AGAP3: variants seen among roughly 807,000 people sequenced by gnomAD.
AGAP3 encodes the protein ArfGAP with GTPase domain, ankyrin repeat and PH domain 3.
AGAP3 carries 24 observed loss-of-function variants against 96.9 expected under a neutral mutation model. The observed-to-expected ratio is 0.25, with a 90% CI of 0.18 to 0.35. The LOEUF (loss-of-function observed/expected upper bound fraction) is 0.35, where lower values mean the gene tolerates loss of function less well. Ranked by LOEUF, AGAP3 falls within the 10% of genes least tolerant of loss-of-function variation. The pLI is 1.00. For missense variants in AGAP3, 876 were observed against 1,254.2 expected (o/e 0.70, Z 4.55); for synonymous variants, 563 against 536.1 (o/e 1.05, Z -0.69).
rs1372688550 is a variant in AGAP3 at position 151,133,748 on chromosome 7, C to T, written c.1327-652C>T. Among the ~76,000 whole-genome samples the T allele has an allele frequency of 6.6e-6, 1 of 152,186 alleles. No individual in the cohort carries two copies. The highest frequency in any genetic ancestry group is 2.4e-5 in the African/African-American group (1 of 41,438). On this transcript the variant is annotated intron_variant, in intron 10 of 17. Transcript: ENST00000397238. This position sits in a 1 kb window ranked among gnomAD's most constrained non-coding sequence, Gnocchi z 5.4. ...AGGCTATACGTGGAATGTATAAATACACTGCTGTAGGATGGTAAATACCCT... is the reference window on the plus strand; with the variant it reads ...AGGCTATACGTGGAATGTATAAATATACTGCTGTAGGATGGTAAATACCCT...
At position 151,125,142 on chromosome 7, in the gene AGAP3, C is replaced by T. The variant is rs557842224; in HGVS notation, c.1221+1256C>T. Among the ~76,000 whole-genome samples, 248 of 152,346 alleles carry T rather than the reference C, an allele frequency of 1.6e-3. 2 individuals carry two copies. Among genetic ancestry groups the T allele is most frequent in the African/African-American group, 5.5e-3 (227 of 41,578 alleles). The stretch of plus-strand genomic sequence containing the variant: ...TTGTGGGGGACCCTGCTAGGTGACG[C>T]CCTCTGCTTTGGGCGTAGGCTCCTC... On this transcript the variant is annotated intron_variant, in intron 9 of 17. Transcript: ENST00000397238.
chr7:151,137,502 G>C (rs2150528227), intron 11 of AGAP3, among the ~76,000 whole-genome samples: 1 of 152,300 alleles, frequency 6.6e-6, no homozygotes, highest in African/African-American at 2.4e-5. Flanking sequence ...TCCAGCAGGG[G>C]CTCAGCCAGG....
chr7:151,106,256 A>G (rs1297865719), intron 1 of AGAP3, among the ~76,000 whole-genome samples: 1 of 151,812 alleles, frequency 6.6e-6, no homozygotes, highest in African/African-American at 2.4e-5. Context: ...CTCAAAACAC[A>G]GCAGATCTGG....
chr7:151,129,247 A>G (rs944817903), intron 10 of AGAP3, among the ~76,000 whole-genome samples: 1 of 150,984 alleles, frequency 6.6e-6, no homozygotes, highest in Non-Finnish European at 1.5e-5. Context: ...GCTCCAGCAC[A>G]CAGCTGTCAC....
At chr7:151,120,255 T>A in intron 8 of AGAP3, 110 bp downstream of exon 8, 1 of 1,164,644 alleles carries the variant, frequency 8.6e-7, no homozygotes, top group Non-Finnish European at 1.2e-6. Flanking sequence ...AGGAAGACGG[T>A]ACCTGCAGTC....
Position 151,142,205 on chromosome 7 carries a change from G to A in AGAP3, c.2002G>A (p.Val668Ile), listed in dbSNP as rs199958692. 398 of 1,613,594 alleles carry A rather than the reference G, an allele frequency of 2.5e-4. No individual in the cohort carries two copies. Among genetic ancestry groups the A allele is most frequent in the Non-Finnish European group, 3.2e-4 (381 of 1,180,006 alleles). Residue 668 changes from valine (V) to isoleucine (I), a missense_variant, in exon 15 of 18, where the codon GTC becomes ATC. Val to Ile is a conservative substitution (Grantham distance 29, BLOSUM62 3). This residue lies in a region of AGAP3 where 103 missense variants were observed against 183.0 expected (regional missense o/e 0.56). Transcript: ENST00000397238. This position sits in a 1 kb window ranked among gnomAD's most constrained non-coding sequence, Gnocchi z 7.5. ...NQNAALAVQA[V>I]RTVRGNSFCI... ...GAACGCAGCTCTGGCTGTGCAGGCC[G>A]TCCGCACCGTCCGCGGCAACAGCTT...
intron 1 of AGAP3, among the ~76,000 whole-genome samples, chr7:151,087,412 G>C (rs549626189): frequency 6.6e-6 from 1 of 152,330 alleles, no homozygotes; most frequent in Non-Finnish European, 1.5e-5. Flanking sequence ...GTCGTGACCG[G>C]GGAGGCTTCT....
Position 151,143,306 on chromosome 7 carries a change from C to T in AGAP3, c.2274-35C>T, listed in dbSNP as rs765481291. 1.0e-5 allele frequency: 16 copies of T among 1,579,480 alleles called. No individual in the cohort carries two copies. In the Admixed American group the frequency reaches 2.8e-4, roughly 28 times the overall value. Reference sequence around the variant, plus strand: ...GCCCCACCCGTTGCTCGGTGACCTTCCTTGGCTCATGCCCTGATGGGCCTG... The same window carrying T: ...GCCCCACCCGTTGCTCGGTGACCTTTCTTGGCTCATGCCCTGATGGGCCTG... On this transcript the variant is annotated intron_variant, in intron 16 of 17. Coordinates refer to ENST00000397238, the MANE Select transcript of AGAP3 (RefSeq NM_031946.7). The surrounding 1 kb of genome is among the most constrained non-coding windows in gnomAD (Gnocchi z 5.9).
chr7:151,142,177 C>T lies in AGAP3; in HGVS notation c.1974C>T (p.Asn658=), dbSNP rs372049053. ...CTGTGCGACAGACTCGACTGGGGAA[C>T]CAGAACGCAGCTCTGGCTGTGCAGG... ...RSAKDKTRLG[N]QNAALAVQAV... The change falls in exon 15 of 18, where the codon AAC becomes AAT. Residue 658 remains asparagine, a synonymous_variant. Coordinates refer to ENST00000397238, the MANE Select transcript of AGAP3 (RefSeq NM_031946.7). The surrounding 1 kb of genome is among the most constrained non-coding windows in gnomAD (Gnocchi z 7.5). 109 of 1,613,752 alleles carry T rather than the reference C, an allele frequency of 6.8e-5. No individual in the cohort carries two copies. Among genetic ancestry groups the T allele is most frequent in the Non-Finnish European group, 8.5e-5 (100 of 1,179,982 alleles).
Position 151,143,561 on chromosome 7 carries a change from A to G in AGAP3, c.2494A>G (p.Met832Val). The change falls in exon 17 of 18, where the codon ATG becomes GTG. Residue 832 changes from methionine (M) to valine (V), a missense_variant. Coordinates refer to ENST00000397238, the MANE Select transcript of AGAP3 (RefSeq NM_031946.7). The surrounding 1 kb of genome is among the most constrained non-coding windows in gnomAD (Gnocchi z 5.9). ...GACGGCTCTACATCTCTCCAGTGCC[A>G]TGGCCAACGTTGTCTTCACGCAGCT... is the stretch of plus-strand genomic sequence containing the variant. ...GRTALHLSSA[M>V]ANVVFTQLLI... 3.7e-6 allele frequency: 6 copies of G among 1,610,558 alleles called. No individual in the cohort carries two copies. Among genetic ancestry groups the G allele is most frequent in the Non-Finnish European group, 5.1e-6 (6 of 1,177,542 alleles).
At chr7:151,113,415 C>G (rs750476625) in intron 1 of AGAP3, among the ~76,000 whole-genome samples, 1 of 152,190 alleles carries the variant, frequency 6.6e-6, no homozygotes, top group African/African-American at 2.4e-5. Context: ...GAATTTCCAG[C>G]GCTCTTTTCT....
At chr7:151,134,251 G>GATTATT in intron 10 of AGAP3, 149 bp from the exon 11 acceptor site, 1 of 690,250 alleles carries the variant, frequency 1.4e-6, no homozygotes, top group Non-Finnish European at 2.2e-6. Context: ...TCCAGACTCG[G>GATTATT]AGACATTCTG....
At chr7:151,134,707 G>A in intron 11 of AGAP3, 139 bp downstream of exon 11, 4 of 907,012 alleles carry the variant, frequency 4.4e-6, no homozygotes, top group Admixed American at 2.6e-5. Flanking sequence ...CTCAGCCAAA[G>A]ACATGTGCCC....
intron 8 of AGAP3, 26 bp from the exon 9 acceptor site, chr7:151,123,768 A>G: frequency 3.1e-6 from 5 of 1,612,494 alleles, no homozygotes; most frequent in Non-Finnish European, 3.4e-6. Context: ...GGGCCTCTTT[A>G]ACACGCCTCT....
At chr7:151,094,168 G>A (rs931072584) in intron 1 of AGAP3, among the ~76,000 whole-genome samples, 7 of 152,146 alleles carry the variant, frequency 4.6e-5, no homozygotes, top group African/African-American at 1.2e-4. Flanking sequence ...CCCCCAACGC[G>A]GTGTGCTTAG....
intron 8 of AGAP3, chr7:151,120,619 C>T: frequency 1.5e-6 from 2 of 1,294,152 alleles, no homozygotes; most frequent in Non-Finnish European, 2.0e-6. Context: ...CGCCTTCCGG[C>T]TCTTTTTCCG....
Position 151,139,493 on chromosome 7 carries a change from A to C in AGAP3, c.1667-486A>C. 6.6e-6 allele frequency: 1 copy of C among 152,626 alleles called. No individual in the cohort carries two copies. The highest frequency in any genetic ancestry group is 1.5e-5 in the Non-Finnish European group (1 of 68,266). 9.5% of individuals were successfully genotyped at this position (152,626 alleles called of 1,614,324 possible). ...GAAGGGAGGGAGCGTGTCTGCCTCT[A>C]ATGAAGTTTGACATTTAGTGGTGAG... On this transcript the variant is annotated intron_variant, in intron 12 of 17. Transcript: ENST00000397238. This position sits in a 1 kb window ranked among gnomAD's most constrained non-coding sequence, Gnocchi z 4.9.
At chr7:151,098,713 CTT>C (rs1798709313) in intron 1 of AGAP3, among the ~76,000 whole-genome samples, 1 of 146,116 alleles carries the variant, frequency 6.8e-6, no homozygotes, top group South Asian at 2.2e-4. Context: ...AGTGTATCCT[CTT>C]TGATTCAATT....
chr7:151,119,973 C>T lies in AGAP3; in HGVS notation c.970-14C>T. ...TGACCCGGAGCTGCCCTCAGCAGCC[C>T]TCTTTGTCCTTAGGCCACGAATGGC... On this transcript the variant is annotated splice_polypyrimidine_tract_variant and intron_variant, in intron 7 of 17. Transcript: ENST00000397238. 4 of 1,613,222 alleles carry T rather than the reference C, an allele frequency of 2.5e-6. No homozygotes were observed. The highest frequency in any genetic ancestry group is 1.7e-4 in the Middle Eastern group (1 of 6,060).
Sources: gnomAD v4.1 joint callset for allele counts (sites outside exome capture counted in the v4.1 genomes callset) on GRCh38, gnomAD v4.1.1 for gene constraint, gnomAD v4.1.1 regional missense constraint, Gnocchi (gnomAD v3.1) non-coding constraint, MANE v1.5 for transcripts, NCBI Gene and HGNC (gene_info 2026-07-23, HGNC 2026-07-21) for gene names.